SDK1: variants seen among roughly 807,000 people sequenced by gnomAD.
SDK1 encodes the protein sidekick cell adhesion molecule 1.
Under a neutral mutation model 245.5 loss-of-function variants are expected in SDK1, and 157 were observed. The ratio of observed to expected loss-of-function variants is 0.64; its 90% confidence interval spans 0.56 to 0.73. The LOEUF (loss-of-function observed/expected upper bound fraction) is 0.73. Among genes scored for constraint, SDK1 ranks in the 30% least tolerant of loss-of-function variants. The pLI is 0.00. For synonymous variants in SDK1, 1,647 were observed against 1,278.5 expected (o/e 1.29, Z -6.15); for missense variants, 3,583 against 3,002.3 (o/e 1.19, Z -4.52).
intron 5 of SDK1, among the ~76,000 whole-genome samples, chr7:3,923,720 T>A (rs1583570373): frequency 6.6e-6 from 1 of 152,204 alleles, no homozygotes; most frequent in African/African-American, 2.4e-5. Context: ...TCACGTTTAG[T>A]CCCCTCATGG....
chr7:3,754,605 C>T (rs891810150), intron 4 of SDK1, among the ~76,000 whole-genome samples: 1 of 151,726 alleles, frequency 6.6e-6, no homozygotes, highest in African/African-American at 2.4e-5. Context: ...TTCCTCCCAT[C>T]TCTTCCTGTC....
At chr7:3,642,135 A>G in intron 4 of SDK1, 30 bp downstream of exon 4, 17 of 1,608,228 alleles carry the variant, frequency 1.1e-5, no homozygotes, top group Non-Finnish European at 1.4e-5. Flanking sequence ...AAAGCTTCAA[A>G]TACAATTGTA....
At chr7:4,065,908 C>T (rs533255894) in intron 19 of SDK1, among the ~76,000 whole-genome samples, 1 of 151,934 alleles carries the variant, frequency 6.6e-6, no homozygotes, top group Non-Finnish European at 1.5e-5. Flanking sequence ...CCTGGATACT[C>T]TTTCAGGACA....
At chr7:4,124,815 G>A (rs1784273466) in intron 25 of SDK1, among the ~76,000 whole-genome samples, 1 of 152,196 alleles carries the variant, frequency 6.6e-6, no homozygotes, top group Non-Finnish European at 1.5e-5. Flanking sequence ...AATGTCTGAA[G>A]GAATAGATGA....
At chr7:3,734,818 TAGG>T (rs1350180133) in intron 4 of SDK1, among the ~76,000 whole-genome samples, 4 of 152,210 alleles carry the variant, frequency 2.6e-5, no homozygotes, top group African/African-American at 7.2e-5. Flanking sequence ...ATAGTATTGT[TAGG>T]ATTAGCCAGC....
Position 4,179,881 on chromosome 7 carries a change from G to A in SDK1, c.5098+1295G>A, listed in dbSNP as rs375205853. The stretch of plus-strand genomic sequence containing the variant: ...TGGGGGTGGGTCAGCCTGTGGCATC[G>A]GGGGAGCACAGGAAAGGAGGGCCGG... On this transcript the variant is annotated intron_variant, in intron 35 of 44. Transcript: ENST00000404826. 2.6e-5 allele frequency among the ~76,000 whole-genome samples: 4 copies of A among 151,880 alleles called. 1 individual carries two copies. Among genetic ancestry groups the A allele is most frequent in the Admixed American group, 6.6e-5 (1 of 15,258 alleles).
In SDK1 at chr7:4,265,368, TCTC is replaced by T. The variant is rs1174300708; in HGVS notation, c.6632_6634del (p.Ser2211del). 5 of 1,445,972 alleles carry T rather than the reference TCTC, an allele frequency of 3.5e-6. No individual in the cohort carries two copies. Among genetic ancestry groups the T allele is most frequent in the Middle Eastern group, 2.5e-4 (1 of 4,010 alleles). The allele number at this position is 1,445,972 out of a possible 1,614,324, so 89.6% of individuals were successfully genotyped here. On this transcript the variant is annotated inframe_deletion, in exon 45 of 45. Transcript: ENST00000404826. ...GGCGCGCGAACTCCGCTCACCGGCT[TCTC>T]CTCCTTCGTGTGAGCAAAGCGCCGC...
At chr7:3,477,189 C>T (rs1437940610) in intron 1 of SDK1, among the ~76,000 whole-genome samples, 3 of 78,644 alleles carry the variant, frequency 3.8e-5, no homozygotes, top group Admixed American at 1.8e-4. Context: ...TGGTTTTCTC[C>T]TTTTTTTTTT....
intron 1 of SDK1, among the ~76,000 whole-genome samples, chr7:3,318,437 A>G (rs77259951): frequency 0.06 from 9,114 of 152,300 alleles, 420 homozygotes; most frequent in Non-Finnish European, 0.076. Context: ...TAGAGGAGAT[A>G]ATGTATGTAA....
chr7:3,740,148 C>T (rs922743446), intron 4 of SDK1, among the ~76,000 whole-genome samples: 1 of 152,086 alleles, frequency 6.6e-6, no homozygotes, highest in Non-Finnish European at 1.5e-5. Context: ...AGTTTACAAC[C>T]CTCCACTTGC....
intron 5 of SDK1, among the ~76,000 whole-genome samples, chr7:3,827,575 G>A (rs1583455140): frequency 6.6e-6 from 1 of 152,176 alleles, no homozygotes; most frequent in Non-Finnish European, 1.5e-5. Flanking sequence ...AAAACGAGGT[G>A]GGACCTACGT....
chr7:4,104,340 C>T (rs1245835302), intron 22 of SDK1, among the ~76,000 whole-genome samples: 1 of 152,152 alleles, frequency 6.6e-6, no homozygotes, highest in Non-Finnish European at 1.5e-5. Flanking sequence ...GGATTATAGG[C>T]GTGAGCCACT....
At chr7:4,153,104 T>A (rs1321367593) in intron 30 of SDK1, among the ~76,000 whole-genome samples, 1 of 152,062 alleles carries the variant, frequency 6.6e-6, no homozygotes, top group African/African-American at 2.4e-5. Flanking sequence ...CAGCTCCTCC[T>A]CTGAGCTCTG....
At chr7:3,606,185 G>T (rs953359135) in intron 1 of SDK1, among the ~76,000 whole-genome samples, 4 of 152,026 alleles carry the variant, frequency 2.6e-5, no homozygotes, top group Admixed American at 1.3e-4. Flanking sequence ...ACATCTTTCT[G>T]GTTTTTCTGG....
intron 13 of SDK1, among the ~76,000 whole-genome samples, chr7:3,977,379 C>G (rs201575503): frequency 0.025 from 1,268 of 50,170 alleles, 41 homozygotes; most frequent in African/African-American, 0.11. Flanking sequence ...GCCACACAGA[C>G]GGTCCTCCAG....
intron 1 of SDK1, among the ~76,000 whole-genome samples, chr7:3,552,197 C>A (rs985408950): frequency 2.6e-5 from 4 of 152,094 alleles, no homozygotes; most frequent in Non-Finnish European, 4.4e-5. Flanking sequence ...ACCACCAAGC[C>A]TGGCTAATTT....
Position 3,602,248 on chromosome 7 carries a change from G to A in SDK1, c.299-16832G>A, listed in dbSNP as rs1370423918. Reference sequence around the variant, plus strand: ...TCTAGTTCTAGATCCCTGAGGAATCGCCACACTGACTTCCACAATGGTTGA... The same window carrying A: ...TCTAGTTCTAGATCCCTGAGGAATCACCACACTGACTTCCACAATGGTTGA... On this transcript the variant is annotated intron_variant, in intron 1 of 44. Coordinates refer to ENST00000404826, the MANE Select transcript of SDK1 (RefSeq NM_152744.4). Among the ~76,000 whole-genome samples, 7 of 151,262 alleles carry A rather than the reference G, an allele frequency of 4.6e-5. No individual in the cohort carries two copies. The East Asian group carries it at 1.2e-3, about 25-fold the overall frequency.
chr7:3,560,440 C>T (rs1314086362), intron 1 of SDK1, among the ~76,000 whole-genome samples: 1 of 151,658 alleles, frequency 6.6e-6, no homozygotes, highest in African/African-American at 2.4e-5. Flanking sequence ...TTTTTTTAAA[C>T]TTATATCCAG....
Position 4,233,270 on chromosome 7 carries a change from A to G in SDK1, c.5843A>G (p.Asp1948Gly), listed in dbSNP as rs1447366757. The change falls in exon 41 of 45, where the codon GAC becomes GGC. Residue 1948 changes from aspartate (D) to glycine (G), a missense_variant. Physicochemically the swap from Asp to Gly is moderately conservative, Grantham distance 94. Coordinates refer to ENST00000404826, the MANE Select transcript of SDK1 (RefSeq NM_152744.4). ...CCTCTTGCAGATGAAGGCTTATGGG[A>G]CATGTTTGTGAAGGACATCCCGCGG... ...EARPSDEGLWDMFVKDIPRSA... is the reference protein window; with the variant it reads ...EARPSDEGLWGMFVKDIPRSA... 15 of 1,613,682 alleles carry G rather than the reference A, an allele frequency of 9.3e-6. No homozygotes were observed. Among genetic ancestry groups the G allele is most frequent in the Non-Finnish European group, 1.2e-5 (14 of 1,179,926 alleles).
Sources: allele counts gnomAD v4.1 joint callset (sites outside exome capture counted in the v4.1 genomes callset), GRCh38; gene constraint gnomAD v4.1.1; transcripts MANE v1.5; gene names NCBI Gene and HGNC (gene_info 2026-07-23, HGNC 2026-07-21).